Variants in DLGAP1 observed in about 807,000 individuals in gnomAD.
The protein encoded by DLGAP1 is DLG associated protein 1.
Under a neutral mutation model 90.8 loss-of-function variants are expected in DLGAP1, and 11 were observed. The ratio of observed to expected loss-of-function variants is 0.12; its 90% CI spans 0.08 to 0.20. The LOEUF (loss-of-function observed/expected upper bound fraction) is 0.20. Ranked by LOEUF, DLGAP1 falls within the 10% of genes least tolerant of loss-of-function variation. The pLI is 1.00. For synonymous variants in DLGAP1, 558 were observed against 540.7 expected (o/e 1.03, Z -0.44); for missense variants, 1,050 against 1,333.8 (o/e 0.79, Z 3.31).
intron 7 of DLGAP1, among the ~76,000 whole-genome samples, chr18:3,590,822 C>T (rs1202191617): frequency 1.3e-5 from 2 of 151,544 alleles, no homozygotes; most frequent in South Asian, 4.2e-4. Flanking sequence ...TGTAGTGAGC[C>T]GAGACGGTGC....
chr18:4,406,821 T>C (rs769506731), intron 1 of DLGAP1, among the ~76,000 whole-genome samples: 1 of 152,174 alleles, frequency 6.6e-6, no homozygotes, highest in African/African-American at 2.4e-5. Context: ...GCATGAGAAC[T>C]GTATAAAATA....
chr18:3,586,418 G>A (rs1333223147), intron 7 of DLGAP1, among the ~76,000 whole-genome samples: 1 of 152,114 alleles, frequency 6.6e-6, no homozygotes, highest in African/African-American at 2.4e-5. Flanking sequence ...GTTATTATGA[G>A]GCTTCACTGC....
At chr18:4,426,221 C>A (rs2083149270) in intron 1 of DLGAP1, among the ~76,000 whole-genome samples, 1 of 152,172 alleles carries the variant, frequency 6.6e-6, no homozygotes, top group Admixed American at 6.5e-5. Context: ...GCTACCCTAA[C>A]CCCCATCTCC....
chr18:4,227,116 C>A (rs1008977610), intron 1 of DLGAP1, among the ~76,000 whole-genome samples: 3 of 151,866 alleles, frequency 2.0e-5, no homozygotes, highest in Non-Finnish European at 4.4e-5. Context: ...AAAATAAGGT[C>A]ATTATATAAT....
At chr18:3,637,441 A>G (rs2058757770) in intron 7 of DLGAP1, among the ~76,000 whole-genome samples, 1 of 152,002 alleles carries the variant, frequency 6.6e-6, no homozygotes, top group South Asian at 2.1e-4. Flanking sequence ...TCTTTTAAAA[A>G]TGTTTTTCTA....
chr18:3,602,393 A>T (rs1479074760), intron 7 of DLGAP1, among the ~76,000 whole-genome samples: 1 of 152,122 alleles, frequency 6.6e-6, no homozygotes, highest in Non-Finnish European at 1.5e-5. Flanking sequence ...CAGGAGATCG[A>T]GACCATCCTG....
chr18:4,108,732 A>G (rs1435572716), intron 2 of DLGAP1, among the ~76,000 whole-genome samples: 1 of 152,236 alleles, frequency 6.6e-6, no homozygotes, highest in East Asian at 1.9e-4. Flanking sequence ...TAAAGGTGCT[A>G]ACAGTGAGGA....
rs1598934267 is a variant in DLGAP1 at position 3,496,732 on chromosome 18, T to C, written c.*2453A>G. The C allele has an allele frequency of 6.8e-6, 1 of 147,972 alleles. No individual in the cohort carries two copies. The highest frequency in any genetic ancestry group is 1.5e-5 in the Non-Finnish European group (1 of 65,326). 9.2% of individuals were successfully genotyped at this position (147,972 alleles called of 1,614,324 possible). A position where few individuals can be genotyped will look rare whatever the true frequency, so the allele number is the denominator to read the frequency against. ...ATGTAACAAAGGTTATGCTCATGAATGTCAGTTTCAGGGGTCAAGCAGCAT... is the reference window on the plus strand; with the variant it reads ...ATGTAACAAAGGTTATGCTCATGAACGTCAGTTTCAGGGGTCAAGCAGCAT... On this transcript the variant is annotated 3_prime_UTR_variant, in exon 13 of 13. Transcript: ENST00000315677.
chr18:3,659,281 A>T (rs924741971), intron 7 of DLGAP1, among the ~76,000 whole-genome samples: 3 of 152,156 alleles, frequency 2.0e-5, no homozygotes, highest in Admixed American at 6.5e-5. Context: ...TGTTGATATT[A>T]AAAAGCTACA....
chr18:4,149,658 T>C (rs894762378), intron 2 of DLGAP1, among the ~76,000 whole-genome samples: 136 of 152,184 alleles, frequency 8.9e-4, no homozygotes, highest in African/African-American at 3.0e-3. Flanking sequence ...GTGAGATCAG[T>C]GGCGGCATTA....
intron 7 of DLGAP1, among the ~76,000 whole-genome samples, chr18:3,702,864 C>G (rs1398196702): frequency 1.3e-5 from 2 of 152,118 alleles, no homozygotes; most frequent in Non-Finnish European, 2.9e-5. Flanking sequence ...GCAGTTCATC[C>G]AGGAAGCAGT....
intron 7 of DLGAP1, among the ~76,000 whole-genome samples, chr18:3,614,741 C>T (rs1022946365): frequency 3.2e-4 from 47 of 146,498 alleles, no homozygotes; most frequent in Non-Finnish European, 4.9e-4. Context: ...ATCCCAGTTT[C>T]GGGAGCCTGA....
At position 3,766,656 on chromosome 18, in the gene DLGAP1, T is replaced by C. The variant is rs535115611; in HGVS notation, c.1173-24144A>G. Among the ~76,000 whole-genome samples the C allele has an allele frequency of 4.6e-5, 7 of 151,770 alleles. No homozygotes were observed. The East Asian group carries it at 7.7e-4, about 17-fold the overall frequency. Reference sequence around the variant, plus strand: ...AACCACAATGACATCAAATGAAAAATCAGTAACAGAAAGATAACAAGATCA... The same window carrying C: ...AACCACAATGACATCAAATGAAAAACCAGTAACAGAAAGATAACAAGATCA... On this transcript the variant is annotated intron_variant, in intron 5 of 12. Coordinates refer to ENST00000315677, the MANE Select transcript of DLGAP1 (RefSeq NM_004746.4).
chr18:4,063,233 C>T (rs934219000), intron 2 of DLGAP1, among the ~76,000 whole-genome samples: 7 of 152,036 alleles, frequency 4.6e-5, no homozygotes, highest in African/African-American at 4.8e-5. Context: ...AGCAATGTTA[C>T]ACATATTCTC....
intron 1 of DLGAP1, among the ~76,000 whole-genome samples, chr18:4,214,439 G>C (rs1490804816): frequency 6.6e-6 from 1 of 152,044 alleles, no homozygotes; most frequent in African/African-American, 2.4e-5. Context: ...TCTCATCCTG[G>C]AATTGTGCTA....
In DLGAP1 at chr18:4,229,905, G is replaced by A. The variant is rs560995145; in HGVS notation, c.-266-78618C>T. ...ACTGCCCATCTGAGAAGAGATTAAT[G>A]ACCAGAATATATAAGGAGCTCAAAC... On this transcript the variant is annotated intron_variant, in intron 1 of 12. Coordinates refer to ENST00000315677, the MANE Select transcript of DLGAP1 (RefSeq NM_004746.4). Among the ~76,000 whole-genome samples, 5 of 152,054 alleles carry A rather than the reference G, an allele frequency of 3.3e-5. No individual in the cohort carries two copies. In the East Asian group the frequency reaches 7.7e-4, roughly 23 times the overall value.
chr18:4,174,083 C>T (rs546002968), intron 1 of DLGAP1, among the ~76,000 whole-genome samples: 6 of 152,268 alleles, frequency 3.9e-5, no homozygotes, highest in African/African-American at 1.4e-4. Context: ...CCCTCTTTCT[C>T]CAGTTTTCTG....
chr18:3,888,107 C>CAAAAA (rs1164887393), intron 3 of DLGAP1, among the ~76,000 whole-genome samples: 6 of 49,384 alleles, frequency 1.2e-4, no homozygotes, highest in Non-Finnish European at 1.8e-4. Context: ...GACTCCATCT[C>CAAAAA]AAAAAAAAAA....
At chr18:3,924,239 A>G (rs1243371705) in intron 3 of DLGAP1, among the ~76,000 whole-genome samples, 3 of 152,214 alleles carry the variant, frequency 2.0e-5, no homozygotes. Context: ...AAGCCCATTT[A>G]TCATCTTGCA....
Sources: gnomAD v4.1 joint callset for allele counts (sites outside exome capture counted in the v4.1 genomes callset) on GRCh38, gnomAD v4.1.1 for gene constraint, MANE v1.5 for transcripts, NCBI Gene and HGNC (gene_info 2026-07-23, HGNC 2026-07-21) for gene names.